FBXL2: variants seen among roughly 807,000 people sequenced by gnomAD.
FBXL2 encodes F-box and leucine rich repeat protein 2.
A neutral mutation model predicts 69.2 loss-of-function variants in FBXL2; 38 were observed. The ratio of observed to expected loss-of-function variants is 0.55; its 90% CI spans 0.42 to 0.72. The LOEUF is 0.72. FBXL2 is among the 30% of genes least tolerant of loss of function. FBXL2 has a pLI of 0.00. For missense variants in FBXL2, 354 were observed against 520.3 expected (o/e 0.68, Z 3.11); for synonymous variants, 192 against 201.3 (o/e 0.95, Z 0.39).
At chr3:33,317,499 A>G (rs2125783944) in intron 2 of FBXL2, 1 of 456,666 alleles carries the variant, frequency 2.2e-6, no homozygotes, top group East Asian at 6.9e-5. Context: ...GATAACAACA[A>G]TAAACAATAA....
chr3:33,377,136 C>G (rs1399008149), intron 10 of FBXL2, 137 bp from the exon 11 acceptor site: 6 of 769,256 alleles, frequency 7.8e-6, no homozygotes, highest in Non-Finnish European at 1.3e-5. Context: ...TTGGGCAGGT[C>G]ACATTCCCTA....
chr3:33,319,771 T>C (rs1290372126), intron 2 of FBXL2, among the ~76,000 whole-genome samples: 2 of 152,186 alleles, frequency 1.3e-5, no homozygotes, highest in Non-Finnish European at 2.9e-5. Flanking sequence ...TCATTTGATA[T>C]TTGGTGCTTA....
intron 2 of FBXL2, among the ~76,000 whole-genome samples, chr3:33,311,704 A>AG (rs2037212225): frequency 1.3e-5 from 2 of 152,044 alleles, no homozygotes. Flanking sequence ...GGCTCACTGC[A>AG]ACCTCCGCCT....
downstream of FBXL2, chr3:33,392,872 C>T: frequency 2.5e-6 from 1 of 404,412 alleles, no homozygotes; most frequent in Non-Finnish European, 4.4e-6. Flanking sequence ...CTGCCGGCTC[C>T]AGTGGATGAT....
chr3:33,378,217 CAG>C, intron 12 of FBXL2, 70 bp downstream of exon 12: 1 of 1,445,824 alleles, frequency 6.9e-7, no homozygotes, highest in Non-Finnish European at 9.7e-7. Context: ...GCAGCACAGC[CAG>C]AGACACTGAC....
chr3:33,319,269 A>T (rs181622546), intron 2 of FBXL2, among the ~76,000 whole-genome samples: 3 of 151,980 alleles, frequency 2.0e-5, no homozygotes, highest in Admixed American at 2.0e-4. Flanking sequence ...TTTAGTGAGG[A>T]CTTATTGAAA....
intron 2 of FBXL2, among the ~76,000 whole-genome samples, chr3:33,300,118 A>G (rs2036136347): frequency 6.6e-6 from 1 of 152,118 alleles, no homozygotes; most frequent in Non-Finnish European, 1.5e-5. Flanking sequence ...CATGTTGGTC[A>G]CTAAACATTA....
rs750406771 is a variant in FBXL2 at position 33,385,553 on chromosome 3, C to T, written c.1217C>T (p.Pro406Leu). The T allele has an allele frequency of 3.7e-6, 6 of 1,614,016 alleles. No homozygotes were observed. The highest frequency in any genetic ancestry group is 3.3e-5 in the South Asian group (3 of 91,082). Residue 406 changes from proline (P) to leucine (L), a missense_variant, in exon 15 of 15, where the codon CCG becomes CTG. By Grantham distance (98) the Pro-to-Leu change is moderately conservative. Coordinates refer to ENST00000484457, the MANE Select transcript of FBXL2 (RefSeq NM_012157.5). Reference protein sequence around the residue: ...VHAYFAPVTPPTAVAGSGQRL... With the variant: ...VHAYFAPVTPLTAVAGSGQRL... ...GCCTACTTTGCTCCCGTCACCCCAC[C>T]GACAGCAGTGGCAGGAAGTGGACAG... is the stretch of plus-strand genomic sequence containing the variant.
chr3:33,318,557 G>A (rs768757227), intron 2 of FBXL2, among the ~76,000 whole-genome samples: 43 of 151,942 alleles, frequency 2.8e-4, no homozygotes, highest in Non-Finnish European at 5.1e-4. Context: ...TCTTTATCTT[G>A]CCAGCTTCAG....
intron 12 of FBXL2, chr3:33,400,164 C>T: frequency 7.1e-7 from 1 of 1,406,166 alleles, no homozygotes; most frequent in Non-Finnish European, 9.5e-7. Context: ...TTCTCATGCA[C>T]AGATACACAC....
chr3:33,373,369 T>C lies in FBXL2; in HGVS notation c.455+14T>C, dbSNP rs1436063019. 2 of 1,585,386 alleles carry C rather than the reference T, an allele frequency of 1.3e-6. No individual in the cohort carries two copies. Among genetic ancestry groups the C allele is most frequent in the African/African-American group, 2.7e-5 (2 of 74,334 alleles). Reference sequence around the variant, plus strand: ...GAAGGGGATCAGGTAAGAGTGCCCATTGTTTGTGTCAAGAGAAATACCCAA... The same window carrying C: ...GAAGGGGATCAGGTAAGAGTGCCCACTGTTTGTGTCAAGAGAAATACCCAA... On this transcript the variant is annotated intron_variant, in intron 7 of 14. Transcript: ENST00000484457.
chr3:33,412,119 G>A, the FBXL2 span, among the ~76,000 whole-genome samples: 4 of 150,948 alleles, frequency 2.6e-5, no homozygotes, highest in Non-Finnish European at 5.9e-5. Flanking sequence ...CCCAGGAGGC[G>A]GAGGTTGCAG....
intron 1 of FBXL2, among the ~76,000 whole-genome samples, chr3:33,294,865 G>A (rs1310897735): frequency 1.3e-5 from 2 of 149,650 alleles, no homozygotes; most frequent in Non-Finnish European, 3.0e-5. Flanking sequence ...AAAAAGTCCA[G>A]TCAGTAACTT....
At chr3:33,304,769 A>G (rs1471311399) in intron 2 of FBXL2, among the ~76,000 whole-genome samples, 2 of 152,070 alleles carry the variant, frequency 1.3e-5, no homozygotes, top group African/African-American at 2.4e-5. Context: ...CAAAGAGTGG[A>G]TAAGAGATTC....
chr3:33,331,233 TA>T (rs1242995482), intron 2 of FBXL2, among the ~76,000 whole-genome samples: 1 of 150,004 alleles, frequency 6.7e-6, no homozygotes, highest in Non-Finnish European at 1.5e-5. Context: ...CATGAAAGCA[TA>T]AATAGAAAAA....
chr3:33,378,896 A>G (rs2042822479), intron 13 of FBXL2, 155 bp downstream of exon 13: 7 of 1,388,782 alleles, frequency 5.0e-6, no homozygotes, highest in African/African-American at 1.5e-5. Flanking sequence ...CAAGGTATCT[A>G]AATATTTGAT....
intron 14 of FBXL2, 81 bp from the exon 15 acceptor site, chr3:33,385,420 C>T: frequency 8.3e-7 from 1 of 1,209,638 alleles, no homozygotes; most frequent in Non-Finnish European, 1.2e-6. Flanking sequence ...TAATAGAGGA[C>T]TATAGGTTTT....
intron 2 of FBXL2, among the ~76,000 whole-genome samples, chr3:33,314,195 T>C (rs2037464872): frequency 6.6e-6 from 1 of 152,200 alleles, no homozygotes; most frequent in Admixed American, 6.5e-5. Context: ...TGATTTAATA[T>C]ATGTATATAT....
chr3:33,289,465 C>G (rs2035001819), intron 1 of FBXL2, among the ~76,000 whole-genome samples: 1 of 151,790 alleles, frequency 6.6e-6, no homozygotes, highest in African/African-American at 2.4e-5. Context: ...TTTAAAAAAC[C>G]TATCAGAGTT....
Sources: allele counts gnomAD v4.1 joint callset (sites outside exome capture counted in the v4.1 genomes callset), GRCh38; gene constraint gnomAD v4.1.1; transcripts MANE v1.5; gene names NCBI Gene and HGNC (gene_info 2026-07-23, HGNC 2026-07-21).